The following EML1 variants were observed in gnomAD, a reference collection of about 807,000 sequenced individuals.
EML1 encodes EMAP like 1.
EML1 carries 27 observed loss-of-function variants against 110.4 expected under a neutral mutation model. The ratio of observed to expected loss-of-function variants is 0.24; its 90% CI spans 0.18 to 0.34. The LOEUF (loss-of-function observed/expected upper bound fraction) is 0.34. Ranked by LOEUF, EML1 falls within the 10% of genes least tolerant of loss-of-function variation. EML1 has a pLI of 1.00. For synonymous variants in EML1, 344 were observed against 385.8 expected, an observed-to-expected ratio of 0.89 and a Z score of 1.27; for missense variants, 741 against 1,030.9, an observed-to-expected ratio of 0.72 and a Z score of 3.85.
In EML1 at chr14:99,878,595, C is replaced by T. The variant is rs2059333774; in HGVS notation, c.494C>T (p.Ser165Phe). The T allele has an allele frequency of 6.2e-7, 1 of 1,613,598 alleles. No homozygotes were observed. Among genetic ancestry groups the T allele is most frequent in the South Asian group, 1.1e-5 (1 of 90,998 alleles). Residue 165 changes from serine to phenylalanine, a missense_variant, in exon 4 of 22, where the codon TCC becomes TTC. Transcript: ENST00000262233. Reference protein sequence around the residue: ...RNRTGSTSSSSSGKKNSESKP... With the variant: ...RNRTGSTSSSFSGKKNSESKP... Reference sequence around the variant, plus strand: ...CGCACAGGCTCCACCAGCAGCTCTTCCAGTGGCAAAAAGAACAGTGAAAGG... The same window carrying T: ...CGCACAGGCTCCACCAGCAGCTCTTTCAGTGGCAAAAAGAACAGTGAAAGG...
At chr14:99,921,914 C>T (rs1405164565) in intron 17 of EML1, among the ~76,000 whole-genome samples, 1 of 152,166 alleles carries the variant, frequency 6.6e-6, no homozygotes, top group East Asian at 1.9e-4. Context: ...TCCACCCTCA[C>T]CCCCAGTCCG....
chr14:99,921,355 C>T (rs1035703734), intron 17 of EML1, among the ~76,000 whole-genome samples: 4 of 152,130 alleles, frequency 2.6e-5, no homozygotes, highest in African/African-American at 9.7e-5. Context: ...TGTGTCTTTG[C>T]TATTGTATTC....
intron 2 of EML1, among the ~76,000 whole-genome samples, chr14:99,851,811 T>G (rs2058812216): frequency 6.6e-6 from 1 of 152,158 alleles, no homozygotes; most frequent in Non-Finnish European, 1.5e-5. Context: ...AGCCAAGCAC[T>G]GGGGGTGCAG....
At chr14:99,822,337 C>T (rs961232887) in intron 1 of EML1, among the ~76,000 whole-genome samples, 4 of 152,068 alleles carry the variant, frequency 2.6e-5, no homozygotes, top group Admixed American at 6.6e-5. Flanking sequence ...GAGGGGAAAC[C>T]CTGGTAACTG....
intron 1 of EML1, among the ~76,000 whole-genome samples, chr14:99,821,248 C>T (rs1450450016): frequency 1.3e-5 from 2 of 152,126 alleles, no homozygotes; most frequent in Non-Finnish European, 2.9e-5. Flanking sequence ...TGAACTTAGT[C>T]CTCCTGCCTC....
At chr14:99,776,208 C>G (rs1286502814) in intron 1 of EML1, among the ~76,000 whole-genome samples, 1 of 152,058 alleles carries the variant, frequency 6.6e-6, no homozygotes, top group East Asian at 1.9e-4. Context: ...AATATAAAAA[C>G]CTGTGAAATT....
rs1033984625 is a variant in EML1, at chr14:99,905,989, G to C, written c.1009-1649G>C. 1.3e-5 allele frequency among the ~76,000 whole-genome samples: 2 copies of C among 152,004 alleles called. No homozygotes were observed. The highest frequency in any genetic ancestry group is 2.9e-5 in the Non-Finnish European group (2 of 68,004). On this transcript the variant is annotated intron_variant, in intron 9 of 21. Transcript: ENST00000262233. The surrounding 1 kb of genome is among the most constrained non-coding windows in gnomAD (Gnocchi z 4.1). ...ACAGATGATTTTTCTTTGCATCAGG[G>C]GTCTCCAGTATCATCCCTTTGGGGT...
chr14:99,738,654 A>C (rs1193741783), intron 1 of EML1, among the ~76,000 whole-genome samples: 2 of 152,222 alleles, frequency 1.3e-5, no homozygotes, highest in Non-Finnish European at 2.9e-5. Flanking sequence ...CCGTGTCCCC[A>C]GGTAAAAATG....
At chr14:99,902,690 G>T (rs535476695) in intron 9 of EML1, among the ~76,000 whole-genome samples, 1 of 152,344 alleles carries the variant, frequency 6.6e-6, no homozygotes, top group Non-Finnish European at 1.5e-5. Flanking sequence ...AGGAATCTCA[G>T]ATAAGACCTT....
At chr14:99,780,991 T>TCACATTTCCTA (rs1347130129) in intron 1 of EML1, among the ~76,000 whole-genome samples, 3 of 152,150 alleles carry the variant, frequency 2.0e-5, no homozygotes, top group Non-Finnish European at 4.4e-5. Flanking sequence ...GGTTGAAGCC[T>TCACATTTCCTA]CACATTTCCT....
chr14:99,813,229 C>T (rs879153042), intron 1 of EML1, among the ~76,000 whole-genome samples: 7 of 152,112 alleles, frequency 4.6e-5, no homozygotes, highest in African/African-American at 9.7e-5. Flanking sequence ...GACGGTCTCA[C>T]GCAAGAGAAA....
intron 4 of EML1, among the ~76,000 whole-genome samples, chr14:99,888,995 T>C (rs1202422736): frequency 3.9e-5 from 6 of 152,068 alleles, no homozygotes; most frequent in African/African-American, 1.4e-4. Context: ...GCATGGTGGA[T>C]TGGGAGCCGG....
chr14:99,936,196 G>T lies in EML1; in HGVS notation c.2008-51G>T. The T allele has an allele frequency of 6.2e-7, 1 of 1,612,444 alleles. No individual in the cohort carries two copies. Among genetic ancestry groups the T allele is most frequent in the African/African-American group, 1.3e-5 (1 of 74,998 alleles). ...AGTTTAACTACCGTGGAACAGTGTT[G>T]GCAGGGACTTCTAAGGCCAATGAAA... On this transcript the variant is annotated intron_variant, in intron 18 of 21. Coordinates refer to ENST00000262233, the MANE Select transcript of EML1 (RefSeq NM_004434.3). The surrounding 1 kb of genome is among the most constrained non-coding windows in gnomAD (Gnocchi z 5.5).
intron 4 of EML1, among the ~76,000 whole-genome samples, chr14:99,886,940 A>G (rs1454662622): frequency 6.6e-6 from 1 of 152,216 alleles, no homozygotes; most frequent in Non-Finnish European, 1.5e-5. Context: ...CCTGTGCCCA[A>G]AGTCCACAGT....
intron 1 of EML1, among the ~76,000 whole-genome samples, chr14:99,839,896 G>A (rs1263815396): frequency 1.3e-5 from 2 of 152,200 alleles, no homozygotes; most frequent in African/African-American, 4.8e-5. Context: ...AAGGAGAACT[G>A]GGAGTCTGAG....
chr14:99,870,448 A>C (rs2059178481), intron 3 of EML1, among the ~76,000 whole-genome samples: 1 of 152,262 alleles, frequency 6.6e-6, no homozygotes, highest in African/African-American at 2.4e-5. Context: ...TAGCTAGCTA[A>C]GATAACTGGT....
chr14:99,903,165 A>C (rs892375479), intron 9 of EML1, among the ~76,000 whole-genome samples: 38 of 152,354 alleles, frequency 2.5e-4, no homozygotes, highest in African/African-American at 7.7e-4. Context: ...AAATAGCTCA[A>C]AAGAAAAGTT....
At chr14:99,757,468 G>A (rs980765419) in intron 1 of EML1, among the ~76,000 whole-genome samples, 5 of 152,126 alleles carry the variant, frequency 3.3e-5, no homozygotes, top group Admixed American at 6.5e-5. Flanking sequence ...GCACATCTAG[G>A]AGCCTCGTGG....
chr14:99,910,704 G>T (rs775237650), intron 12 of EML1, among the ~76,000 whole-genome samples: 7 of 152,056 alleles, frequency 4.6e-5, no homozygotes, highest in Admixed American at 4.6e-4. Flanking sequence ...TCTAGCATGT[G>T]GCAGACATTT....
Sources: gnomAD v4.1 joint callset for allele counts (sites outside exome capture counted in the v4.1 genomes callset) on GRCh38, gnomAD v4.1.1 for gene constraint, Gnocchi (gnomAD v3.1) non-coding constraint, MANE v1.5 for transcripts, NCBI Gene and HGNC (gene_info 2026-07-23, HGNC 2026-07-21) for gene names.